The following ZBTB16 variants were observed in gnomAD, a reference collection of about 807,000 sequenced individuals.
ZBTB16 encodes the protein zinc finger and BTB domain-containing protein 16.
ZBTB16 carries 8 observed loss-of-function variants against 56.8 expected under a neutral mutation model. The ratio of observed to expected loss-of-function variants is 0.14; its 90% CI spans 0.08 to 0.25. ZBTB16 has a LOEUF of 0.25. ZBTB16 is among the 10% of genes least tolerant of loss of function. The probability of loss-of-function intolerance (pLI) is 1.00; values close to 1 mark genes in which losing one functional copy is unlikely to be tolerated. For synonymous variants in ZBTB16, 363 were observed against 368.5 expected, an observed-to-expected ratio of 0.98 and a Z score of 0.17; for missense variants, 625 against 903.0, an observed-to-expected ratio of 0.69 and a Z score of 3.95.
intron 2 of ZBTB16, among the ~76,000 whole-genome samples, chr11:114,115,186 G>A (rs1190999989): frequency 6.6e-6 from 1 of 152,060 alleles, no homozygotes; most frequent in East Asian, 1.9e-4. Flanking sequence ...CCATCTTTGG[G>A]AAAGACCTTC....
At chr11:114,233,422 A>C (rs1944499726) in intron 4 of ZBTB16, among the ~76,000 whole-genome samples, 1 of 151,956 alleles carries the variant, frequency 6.6e-6, no homozygotes, top group Non-Finnish European at 1.5e-5. Flanking sequence ...TCAGGACTTG[A>C]TTTGGCTTCT....
chr11:114,093,915 A>G (rs1407076959), intron 2 of ZBTB16, among the ~76,000 whole-genome samples: 1 of 152,170 alleles, frequency 6.6e-6, no homozygotes, highest in African/African-American at 2.4e-5. Context: ...GTCAACGGAC[A>G]TTTTTTCTTT....
chr11:114,109,183 C>T (rs910221497), intron 2 of ZBTB16, among the ~76,000 whole-genome samples: 3 of 152,234 alleles, frequency 2.0e-5, no homozygotes, highest in African/African-American at 7.2e-5. Flanking sequence ...TCACTTTGGC[C>T]TTTCAGTAGC....
At chr11:114,188,824 T>C (rs1943427332) in intron 4 of ZBTB16, 1 of 152,130 alleles carries the variant, frequency 6.6e-6, no homozygotes, top group African/African-American at 2.4e-5. Context: ...AAAAGAAATA[T>C]TGTGGATATT....
intron 4 of ZBTB16, among the ~76,000 whole-genome samples, chr11:114,211,582 T>C (rs905203704): frequency 3.3e-5 from 5 of 152,226 alleles, no homozygotes; most frequent in African/African-American, 7.2e-5. Context: ...ATCATCCTTA[T>C]TGATTCTTCG....
rs79924531 is a variant in ZBTB16, at chr11:114,064,589, G to A, written c.1268+21G>A. ...CACAGGTAGGCCCCGCTCCAGCCCCGCACCTGATGTAGGACTTGAGGCCCT... is the reference window on the plus strand; with the variant it reads ...CACAGGTAGGCCCCGCTCCAGCCCCACACCTGATGTAGGACTTGAGGCCCT... On this transcript the variant is annotated intron_variant, in intron 2 of 6. Coordinates refer to ENST00000335953, the MANE Select transcript of ZBTB16 (RefSeq NM_006006.6). The surrounding 1 kb of genome is among the most constrained non-coding windows in gnomAD (Gnocchi z 4.2). 2,028 of 1,612,354 alleles carry A rather than the reference G, an allele frequency of 1.3e-3. 24 individuals carry two copies. The African/African-American group carries it at 0.021, about 16-fold the overall frequency.
At position 114,214,642 on chromosome 11, in the gene ZBTB16, C is replaced by T. The variant is rs184726049; in HGVS notation, c.1454-27525C>T. ...GTTTTGAGACAGGGTCTTGCTCTGTCGCCCATCCTGGAGTGCAGTGGCGCA... is the reference window on the plus strand; with the variant it reads ...GTTTTGAGACAGGGTCTTGCTCTGTTGCCCATCCTGGAGTGCAGTGGCGCA... On this transcript the variant is annotated intron_variant, in intron 4 of 6. Transcript: ENST00000335953. Among the ~76,000 whole-genome samples, 6 of 152,150 alleles carry T rather than the reference C, an allele frequency of 3.9e-5. No individual in the cohort carries two copies. In the East Asian group the frequency reaches 7.7e-4, roughly 20 times the overall value.
At chr11:114,062,461 A>G (rs1205636002) in intron 1 of ZBTB16, among the ~76,000 whole-genome samples, 1 of 152,174 alleles carries the variant, frequency 6.6e-6, no homozygotes, top group African/African-American at 2.4e-5. Flanking sequence ...CAGATTTTAT[A>G]TTATACATAC....
chr11:114,196,620 T>C (rs543813962), intron 4 of ZBTB16, among the ~76,000 whole-genome samples: 5 of 152,298 alleles, frequency 3.3e-5, no homozygotes, highest in African/African-American at 1.2e-4. Flanking sequence ...AGTTCCTTCA[T>C]TTCCTCATTC....
intron 4 of ZBTB16, among the ~76,000 whole-genome samples, chr11:114,200,002 C>T (rs1340494799): frequency 6.6e-6 from 1 of 152,010 alleles, no homozygotes; most frequent in East Asian, 1.9e-4. Flanking sequence ...GTGGCGGGCA[C>T]CTGTAGTCCC....
At chr11:114,241,770 T>C (rs191667142) in intron 4 of ZBTB16, among the ~76,000 whole-genome samples, 1 of 152,252 alleles carries the variant, frequency 6.6e-6, no homozygotes, top group East Asian at 1.9e-4. Context: ...GCCCATAGTA[T>C]CTTTGTTATT....
intron 2 of ZBTB16, among the ~76,000 whole-genome samples, chr11:114,104,852 A>G (rs925596925): frequency 6.6e-6 from 1 of 152,092 alleles, no homozygotes; most frequent in African/African-American, 2.4e-5. Flanking sequence ...TGTCATCTAG[A>G]TGTTCTTGTA....
chr11:114,174,003 C>T (rs931862502), intron 3 of ZBTB16, among the ~76,000 whole-genome samples: 3 of 152,168 alleles, frequency 2.0e-5, no homozygotes, highest in African/African-American at 4.8e-5. Flanking sequence ...ATCGTTTGTA[C>T]GTTTTCCTTC....
chr11:114,119,312 AG>A (rs1391404775), intron 2 of ZBTB16, among the ~76,000 whole-genome samples: 1 of 130,608 alleles, frequency 7.7e-6, no homozygotes, highest in Non-Finnish European at 1.6e-5. Flanking sequence ...GGGCGTTGTT[AG>A]GGGGTATTGT....
intron 2 of ZBTB16, among the ~76,000 whole-genome samples, chr11:114,135,405 TA>T (rs1404991130): frequency 6.6e-6 from 1 of 152,228 alleles, no homozygotes; most frequent in East Asian, 1.9e-4. Context: ...CAGCTGAGTT[TA>T]AGATAGAGAA....
In ZBTB16 at chr11:114,063,424, A is replaced by G; in HGVS notation, c.124A>G (p.Ser42Gly). 1 of 1,614,158 alleles carries G rather than the reference A, an allele frequency of 6.2e-7. No homozygotes were observed. The highest frequency in any genetic ancestry group is 8.5e-7 in the Non-Finnish European group (1 of 1,180,042). Residue 42 changes from serine (S) to glycine (G), a missense_variant, in exon 2 of 7, where the codon AGC becomes GGC. By Grantham distance (56) the Ser-to-Gly change is moderately conservative. Coordinates refer to ENST00000335953, the MANE Select transcript of ZBTB16 (RefSeq NM_006006.6). This position sits in a 1 kb window ranked among gnomAD's most constrained non-coding sequence, Gnocchi z 6.5. ...TLCDVVIMVD[S>G]QEFHAHRTVL... ...GTGCGATGTGGTCATCATGGTGGAC[A>G]GCCAGGAGTTCCACGCCCACCGGAC...
intron 4 of ZBTB16, among the ~76,000 whole-genome samples, chr11:114,230,020 G>A (rs1394056395): frequency 1.3e-5 from 2 of 152,128 alleles, no homozygotes; most frequent in Non-Finnish European, 1.5e-5. Flanking sequence ...GGAGAAGGCC[G>A]TGGGGCAGGT....
chr11:114,188,526 A>C (rs1943417433), intron 4 of ZBTB16: 1 of 152,228 alleles, frequency 6.6e-6, no homozygotes, highest in Non-Finnish European at 1.5e-5. Context: ...GGATGAAATA[A>C]GGTATTTTAT....
At chr11:114,166,209 TGTGTG>T (rs1259574345) in intron 3 of ZBTB16, among the ~76,000 whole-genome samples, 4 of 130,850 alleles carry the variant, frequency 3.1e-5, no homozygotes, top group Middle Eastern at 4.0e-3. Flanking sequence ...TACGTGTGTG[TGTGTG>T]TGTGTGTGTG....
Sources: allele counts gnomAD v4.1 joint callset (sites outside exome capture counted in the v4.1 genomes callset), GRCh38; gene constraint gnomAD v4.1.1; non-coding constraint Gnocchi (gnomAD v3.1); transcripts MANE v1.5; gene names NCBI Gene and HGNC (gene_info 2026-07-23, HGNC 2026-07-21).